ADORA2B: variants seen among roughly 807,000 people sequenced by gnomAD.
The protein encoded by ADORA2B is adenosine A2b receptor.
In ADORA2B, 18 loss-of-function variants were observed where a neutral mutation model predicts 20.8. The observed-to-expected ratio is 0.87, with a 90% CI of 0.60 to 1.29. The LOEUF (loss-of-function observed/expected upper bound fraction) is 1.29, where lower values mean the gene tolerates loss of function less well. Among genes scored for constraint, ADORA2B ranks in the 50% most tolerant of loss-of-function variants. ADORA2B has a pLI of 0.00. For missense variants in ADORA2B, 441 were observed against 422.7 expected (o/e 1.04, Z -0.38); for synonymous variants, 179 against 178.3 (o/e 1.00, Z -0.03).
chr17:15,885,991 T>TGG, the ADORA2B span, among the ~76,000 whole-genome samples: 1 of 152,202 alleles, frequency 6.6e-6, no homozygotes, highest in South Asian at 2.1e-4. Flanking sequence ...TCAGCTCAGT[T>TGG]CTTAGCGTGG....
intron 1 of ADORA2B, among the ~76,000 whole-genome samples, chr17:15,955,205 G>A (rs1247403737): frequency 6.6e-6 from 1 of 152,100 alleles, no homozygotes; most frequent in Non-Finnish European, 1.5e-5. Context: ...TTGTGAACCC[G>A]AGTACACAGA....
the ADORA2B span, among the ~76,000 whole-genome samples, chr17:15,873,334 C>T: frequency 3.9e-5 from 6 of 152,068 alleles, no homozygotes; most frequent in Admixed American, 1.3e-4. Context: ...TCAGCCTAGG[C>T]GAAGAATCCA....
chr17:15,942,123 T>C (rs1192422558), upstream of ADORA2B, among the ~76,000 whole-genome samples: 1 of 152,134 alleles, frequency 6.6e-6, no homozygotes, highest in African/African-American at 2.4e-5. Flanking sequence ...ACTTGGGTGC[T>C]ATCGTTTGGA....
chr17:15,881,960 A>G, the ADORA2B span, among the ~76,000 whole-genome samples: 15 of 152,168 alleles, frequency 9.9e-5, no homozygotes, highest in African/African-American at 3.6e-4. Flanking sequence ...GGCTTTTTCT[A>G]ATAGGAGTAC....
In ADORA2B at chr17:15,975,386, A is replaced by C; in HGVS notation, c.*44A>C. ...CCAGGAGAAGATACAAATCCACAAG[A>C]AACAAAGAGGACACGGCTGGTTTTC... On this transcript the variant is annotated 3_prime_UTR_variant, in exon 2 of 2. Coordinates refer to ENST00000304222, the MANE Select transcript of ADORA2B (RefSeq NM_000676.4). 1 of 1,571,020 alleles carries C rather than the reference A, an allele frequency of 6.4e-7. No individual in the cohort carries two copies. The highest frequency in any genetic ancestry group is 8.6e-7 in the Non-Finnish European group (1 of 1,159,398).
chr17:15,912,423 C>G, the ADORA2B span, among the ~76,000 whole-genome samples: 127 of 152,086 alleles, frequency 8.4e-4, no homozygotes, highest in African/African-American at 2.8e-3. Flanking sequence ...GGCAATGAGG[C>G]TGCCTGTCCT....
chr17:15,928,392 C>G, the ADORA2B span, among the ~76,000 whole-genome samples: 1 of 151,244 alleles, frequency 6.6e-6, no homozygotes, highest in South Asian at 2.1e-4. Context: ...ACAGTGCATT[C>G]TCTTGCCTGT....
chr17:15,894,643 T>C, the ADORA2B span, among the ~76,000 whole-genome samples: 1 of 152,138 alleles, frequency 6.6e-6, no homozygotes, highest in Admixed American at 6.5e-5. Context: ...ATTAGAAATA[T>C]GTCTTAGACA....
chr17:15,914,938 G>A, the ADORA2B span, among the ~76,000 whole-genome samples: 4 of 152,270 alleles, frequency 2.6e-5, 1 homozygote, highest in South Asian at 4.1e-4. Context: ...TGACTACCTC[G>A]GGCTGAGTCA....
intron 1 of ADORA2B, among the ~76,000 whole-genome samples, chr17:15,965,817 C>G (rs1360855665): frequency 6.6e-6 from 1 of 152,274 alleles, no homozygotes; most frequent in Non-Finnish European, 1.5e-5. Flanking sequence ...CCAGGCCCAT[C>G]TTAGTAACAG....
intron 1 of ADORA2B, among the ~76,000 whole-genome samples, chr17:15,958,177 T>C (rs2779202): frequency 0.92 from 139,669 of 152,106 alleles, 65,012 homozygotes; most frequent in Non-Finnish European, 0.99. Context: ...CGCCACTGCA[T>C]CCGGCTAATT....
intron 1 of ADORA2B, among the ~76,000 whole-genome samples, chr17:15,947,798 C>T (rs1036601585): frequency 6.6e-6 from 1 of 152,222 alleles, no homozygotes; most frequent in East Asian, 1.9e-4. Flanking sequence ...ATTACAGGGC[C>T]TCACCTGGTT....
the ADORA2B span, among the ~76,000 whole-genome samples, chr17:15,935,824 C>T: frequency 9.9e-4 from 149 of 150,504 alleles, no homozygotes; most frequent in African/African-American, 3.5e-3. Context: ...AGTCCAAATT[C>T]GCTGTTGTGC....
intron 1 of ADORA2B, among the ~76,000 whole-genome samples, chr17:15,946,866 G>A (rs1360804395): frequency 1.3e-5 from 2 of 152,252 alleles, no homozygotes; most frequent in African/African-American, 4.8e-5. Flanking sequence ...GGAGAAAAGT[G>A]CTCTGCTGTT....
At chr17:15,883,672 T>C in the ADORA2B span, among the ~76,000 whole-genome samples, 1 of 152,334 alleles carries the variant, frequency 6.6e-6, no homozygotes, top group Non-Finnish European at 1.5e-5. Context: ...AGGGACACAG[T>C]CACACGTGTG....
chr17:15,943,096 C>A (rs760329359), upstream of ADORA2B, among the ~76,000 whole-genome samples: 5 of 152,180 alleles, frequency 3.3e-5, no homozygotes, highest in Admixed American at 6.5e-5. Flanking sequence ...CCAGAACTCA[C>A]GTGACCAGGA....
At chr17:15,894,662 T>C in the ADORA2B span, among the ~76,000 whole-genome samples, 1 of 152,154 alleles carries the variant, frequency 6.6e-6, no homozygotes, top group African/African-American at 2.4e-5. Flanking sequence ...CAGAATCAGC[T>C]GGACTTAGTG....
At chr17:15,892,015 ATTTTTTTTT>A in the ADORA2B span, among the ~76,000 whole-genome samples, 7 of 134,024 alleles carry the variant, frequency 5.2e-5, no homozygotes, top group East Asian at 1.5e-3. Flanking sequence ...TGCCCAGCTA[ATTTTTTTTT>A]TTTTTTTTGT....
At chr17:15,881,573 C>A in the ADORA2B span, among the ~76,000 whole-genome samples, 13,232 of 152,214 alleles carry the variant, frequency 0.087, 1,628 homozygotes, top group African/African-American at 0.27. Flanking sequence ...GCTTTAAACA[C>A]TGGGGAGGGA....
Sources: allele counts gnomAD v4.1 joint callset (sites outside exome capture counted in the v4.1 genomes callset), GRCh38; gene constraint gnomAD v4.1.1; transcripts MANE v1.5; gene names NCBI Gene and HGNC (gene_info 2026-07-23, HGNC 2026-07-21).